Variants in ZNF438 observed in about 807,000 individuals in gnomAD.
The protein encoded by ZNF438 is zinc finger protein 438.
In ZNF438, 25 loss-of-function variants were observed where a neutral mutation model predicts 38.0. The ratio of observed to expected loss-of-function variants is 0.66; its 90% CI spans 0.48 to 0.92. The LOEUF (loss-of-function observed/expected upper bound fraction) is 0.92. ZNF438 is among the 40% of genes least tolerant of loss of function. ZNF438 has a pLI of 0.00. For synonymous variants in ZNF438, 372 were observed against 364.1 expected (o/e 1.02, Z -0.25); for missense variants, 1,007 against 999.6 (o/e 1.01, Z -0.10).
intron 2 of ZNF438, among the ~76,000 whole-genome samples, chr10:30,930,631 CT>C (rs1306054975): frequency 6.7e-6 from 1 of 150,070 alleles, no homozygotes; most frequent in Non-Finnish European, 1.5e-5. Flanking sequence ...AACCCCATCT[CT>C]ACTAAAATAC....
At chr10:30,864,072 T>A (rs2036021461) in intron 4 of ZNF438, among the ~76,000 whole-genome samples, 1 of 152,190 alleles carries the variant, frequency 6.6e-6, no homozygotes, top group Admixed American at 6.5e-5. Flanking sequence ...GCCAATGTTT[T>A]TTGACATTGA....
rs374371202 is a variant in ZNF438 at position 31,006,843 on chromosome 10, GAAA to G, written c.-192+24987_-192+24989del. ...CTGTGTTGATTGCTGTTGGCTAATA[GAAA>G]AAAAAAAACCATTTTGAGTGTGTTT... is the stretch of plus-strand genomic sequence containing the variant. On this transcript the variant is annotated intron_variant, in intron 1 of 5. Transcript: ENST00000413025. Among the ~76,000 whole-genome samples the G allele has an allele frequency of 2.8e-5, 4 of 143,932 alleles. No homozygotes were observed. The East Asian group carries it at 8.0e-4, about 29-fold the overall frequency. 94.4% of individuals were successfully genotyped at this position (143,932 alleles called of 152,430 possible). A position where few individuals can be genotyped will look rare whatever the true frequency, so the allele number is the denominator to read the frequency against.
At chr10:30,898,417 A>C (rs950136603) in intron 3 of ZNF438, among the ~76,000 whole-genome samples, 2 of 152,162 alleles carry the variant, frequency 1.3e-5, no homozygotes, top group African/African-American at 4.8e-5. Context: ...AAAGGAAAAA[A>C]AGTTGTATTC....
intron 3 of ZNF438, among the ~76,000 whole-genome samples, chr10:30,887,024 A>G (rs889639249): frequency 6.6e-6 from 1 of 152,170 alleles, no homozygotes; most frequent in African/African-American, 2.4e-5. Flanking sequence ...ATTCCTATAT[A>G]TTGCAAATGA....
At chr10:31,013,646 C>A (rs1230992320) in intron 1 of ZNF438, among the ~76,000 whole-genome samples, 1 of 152,136 alleles carries the variant, frequency 6.6e-6, no homozygotes, top group Non-Finnish European at 1.5e-5. Flanking sequence ...AAAGAAACTT[C>A]CCGCTCAAAG....
At chr10:31,006,946 AG>A (rs1431892616) in intron 1 of ZNF438, among the ~76,000 whole-genome samples, 1 of 152,216 alleles carries the variant, frequency 6.6e-6, no homozygotes, top group African/African-American at 2.4e-5. Flanking sequence ...CCTTAAAATA[AG>A]GAGAGTATCT....
At chr10:30,930,800 A>AAG (rs2045571876) in intron 2 of ZNF438, among the ~76,000 whole-genome samples, 1 of 94,862 alleles carries the variant, frequency 1.1e-5, no homozygotes, top group African/African-American at 4.2e-5. Context: ...AGAGAAACTC[A>AAG]GTCAAAAAAA....
chr10:31,017,021 C>T (rs1321259701), intron 1 of ZNF438, among the ~76,000 whole-genome samples: 3 of 152,180 alleles, frequency 2.0e-5, no homozygotes, highest in African/African-American at 7.2e-5. Flanking sequence ...TCCAGCGGCT[C>T]GCAAACTAAC....
intron 4 of ZNF438, among the ~76,000 whole-genome samples, chr10:30,862,493 T>C (rs189309041): frequency 1.1e-3 from 174 of 151,974 alleles, no homozygotes; most frequent in African/African-American, 4.0e-3. Flanking sequence ...TTTTGTAGAG[T>C]TGAAGTCTCA....
intron 4 of ZNF438, among the ~76,000 whole-genome samples, chr10:30,851,231 T>C (rs1194502387): frequency 1.3e-5 from 2 of 152,218 alleles, no homozygotes; most frequent in Non-Finnish European, 2.9e-5. Flanking sequence ...ACTGATAGGG[T>C]AACACTTCAT....
chr10:30,986,760 T>C (rs1440743982), intron 1 of ZNF438, among the ~76,000 whole-genome samples: 1 of 152,198 alleles, frequency 6.6e-6, no homozygotes, highest in Non-Finnish European at 1.5e-5. Flanking sequence ...GAGGATTGTG[T>C]TGAGCATCAT....
chr10:30,950,558 A>G (rs2048050542), intron 1 of ZNF438, among the ~76,000 whole-genome samples: 1 of 152,018 alleles, frequency 6.6e-6, no homozygotes, highest in Non-Finnish European at 1.5e-5. Flanking sequence ...AAAAATGATA[A>G]AGGGGATATC....
intron 1 of ZNF438, among the ~76,000 whole-genome samples, chr10:30,998,745 T>C (rs2054334040): frequency 6.6e-6 from 1 of 152,122 alleles, no homozygotes; most frequent in South Asian, 2.1e-4. Flanking sequence ...CGATCTCTTT[T>C]ACTTTCTGTT....
intron 4 of ZNF438, among the ~76,000 whole-genome samples, chr10:30,869,005 A>G (rs1033673281): frequency 6.6e-6 from 1 of 152,260 alleles, no homozygotes; most frequent in Non-Finnish European, 1.5e-5. Context: ...CTCTGCTGCC[A>G]AACGGCCACA....
chr10:30,890,083 C>CA (rs71863439), intron 3 of ZNF438, among the ~76,000 whole-genome samples: 1,368 of 92,950 alleles, frequency 0.015, 17 homozygotes, highest in East Asian at 0.037. Flanking sequence ...TTGGCATTTC[C>CA]AAAAAAAAAA....
chr10:30,912,897 G>A (rs1057297324), intron 2 of ZNF438, among the ~76,000 whole-genome samples: 24 of 152,126 alleles, frequency 1.6e-4, no homozygotes, highest in African/African-American at 4.8e-4. Context: ...GAATTCCCTC[G>A]CTGTCTAAAT....
chr10:31,006,276 G>T (rs57590460), intron 1 of ZNF438, among the ~76,000 whole-genome samples: 12,382 of 152,170 alleles, frequency 0.081, 551 homozygotes, highest in African/African-American at 0.11. Flanking sequence ...CACCCTCCAA[G>T]CTCTAGGAAG....
At chr10:30,920,798 T>C (rs1195751821) in intron 2 of ZNF438, 2 of 152,180 alleles carry the variant, frequency 1.3e-5, no homozygotes, top group Admixed American at 1.3e-4. Flanking sequence ...GTGTAGCCAG[T>C]AGAAAACTTG....
intron 3 of ZNF438, among the ~76,000 whole-genome samples, chr10:30,893,126 G>A (rs889423657): frequency 3.9e-5 from 6 of 152,134 alleles, no homozygotes; most frequent in East Asian, 3.8e-4. Flanking sequence ...ATCTAACAAC[G>A]CATGAAAGTG....
Sources: allele counts gnomAD v4.1 joint callset (sites outside exome capture counted in the v4.1 genomes callset), GRCh38; gene constraint gnomAD v4.1.1; transcripts MANE v1.5; gene names NCBI Gene and HGNC (gene_info 2026-07-23, HGNC 2026-07-21).